KCNMB4: variants seen among roughly 807,000 people sequenced by gnomAD.
KCNMB4 encodes the protein potassium calcium-activated channel subfamily M regulatory beta subunit 4.
KCNMB4 carries 3 observed loss-of-function variants against 20.7 expected under a neutral mutation model. The ratio of observed to expected loss-of-function variants is 0.14; its 90% confidence interval spans 0.07 to 0.37. The LOEUF (loss-of-function observed/expected upper bound fraction) is 0.37. KCNMB4 is among the 10% of genes least tolerant of loss of function. The pLI, the probability that KCNMB4 is intolerant of heterozygous loss-of-function variation, is 1.00. For missense variants in KCNMB4, 168 were observed against 265.9 expected (o/e 0.63, Z 2.56); for synonymous variants, 110 against 113.4 (o/e 0.97, Z 0.19).
At chr12:70,387,697 T>C (rs1338599721) in intron 1 of KCNMB4, among the ~76,000 whole-genome samples, 1 of 151,996 alleles carries the variant, frequency 6.6e-6, no homozygotes, top group Non-Finnish European at 1.5e-5. Flanking sequence ...TGTGGATACA[T>C]AGTAGGTATA....
At chr12:70,384,759 C>T (rs1883857092) in intron 1 of KCNMB4, among the ~76,000 whole-genome samples, 1 of 150,410 alleles carries the variant, frequency 6.6e-6, no homozygotes, top group Non-Finnish European at 1.5e-5. Flanking sequence ...TGGTGGTACA[C>T]ACCTGTAGTT....
intron 2 of KCNMB4, among the ~76,000 whole-genome samples, chr12:70,408,040 C>G (rs371269758): frequency 6.6e-6 from 1 of 152,276 alleles, no homozygotes; most frequent in Middle Eastern, 3.4e-3. Context: ...TAAATTTAAG[C>G]TCATTATACC....
chr12:70,400,835 T>C (rs1022172595), intron 2 of KCNMB4, among the ~76,000 whole-genome samples: 1 of 152,188 alleles, frequency 6.6e-6, no homozygotes, highest in Admixed American at 6.5e-5. Context: ...CAAACATTTA[T>C]TGAGTATTCA....
intron 1 of KCNMB4, among the ~76,000 whole-genome samples, chr12:70,392,532 G>A (rs944746342): frequency 2.0e-5 from 3 of 152,280 alleles, no homozygotes; most frequent in South Asian, 2.1e-4. Flanking sequence ...ACATGCACAC[G>A]TTTGTTTATT....
intron 1 of KCNMB4, among the ~76,000 whole-genome samples, chr12:70,382,711 T>A (rs976612865): frequency 2.0e-5 from 3 of 152,074 alleles, no homozygotes; most frequent in African/African-American, 7.2e-5. Context: ...GATTAAAAAG[T>A]CAACATATGA....
intron 2 of KCNMB4, among the ~76,000 whole-genome samples, chr12:70,419,402 A>G (rs1868992148): frequency 6.6e-6 from 1 of 152,228 alleles, no homozygotes; most frequent in African/African-American, 2.4e-5. Context: ...TGGGTTTTAA[A>G]GAATAGAATG....
Sources: gnomAD v4.1 joint callset for allele counts (sites outside exome capture counted in the v4.1 genomes callset) on GRCh38, gnomAD v4.1.1 for gene constraint, MANE v1.5 for transcripts, NCBI Gene and HGNC (gene_info 2026-07-23, HGNC 2026-07-21) for gene names.